The following DACH1 variants were observed in gnomAD, a reference collection of about 807,000 sequenced individuals.
DACH1 encodes the protein dachshund homolog 1.
A neutral mutation model predicts 54.2 loss-of-function variants in DACH1; 12 were observed. That is an observed-to-expected ratio of 0.22 (90% CI 0.14 to 0.36). The LOEUF (loss-of-function observed/expected upper bound fraction) is 0.36. Ranked by LOEUF, DACH1 falls within the 10% of genes least tolerant of loss-of-function variation. DACH1 has a pLI of 1.00. For synonymous variants in DACH1, 386 were observed against 366.2 expected (o/e 1.05, Z -0.62); for missense variants, 805 against 929.8 (o/e 0.87, Z 1.75).
intron 1 of DACH1, among the ~76,000 whole-genome samples, chr13:71,766,701 G>T (rs1885644135): frequency 6.6e-6 from 1 of 152,066 alleles, no homozygotes; most frequent in Non-Finnish European, 1.5e-5. Flanking sequence ...AATTCTTAAT[G>T]TAAGCACTGA....
chr13:71,699,137 T>C (rs1881983179), intron 1 of DACH1, among the ~76,000 whole-genome samples: 1 of 152,164 alleles, frequency 6.6e-6, no homozygotes, highest in Admixed American at 6.5e-5. Flanking sequence ...TGGCTATTTG[T>C]CTTTCACAAA....
At position 71,682,426 on chromosome 13, in the gene DACH1, A is replaced by T. The variant is rs537365112; in HGVS notation, c.849-516T>A. On this transcript the variant is annotated intron_variant, in intron 1 of 10. Coordinates refer to ENST00000613252, the MANE Select transcript of DACH1 (RefSeq NM_080759.6). ...AGCTGGGAGGTGGAATGAAAGAGTG[A>T]TTCAGACCTATAGCACATTTTTCGA... Among the ~76,000 whole-genome samples the T allele has an allele frequency of 2.0e-5, 3 of 152,322 alleles. No individual in the cohort carries two copies. The East Asian group carries it at 5.8e-4, about 29-fold the overall frequency.
At chr13:71,680,651 GAA>G (rs944123965) in intron 2 of DACH1, among the ~76,000 whole-genome samples, 1 of 151,942 alleles carries the variant, frequency 6.6e-6, no homozygotes, top group African/African-American at 2.4e-5. Context: ...AGGCCTTGCT[GAA>G]AAAAATATTA....
At chr13:71,694,321 C>A (rs1006167538) in intron 1 of DACH1, among the ~76,000 whole-genome samples, 1 of 150,286 alleles carries the variant, frequency 6.7e-6, no homozygotes, top group African/African-American at 2.5e-5. Context: ...AATTCAGAGA[C>A]CTCCTGACAA....
chr13:71,748,292 A>AGTAAC (rs145412016), intron 1 of DACH1, among the ~76,000 whole-genome samples: 2,084 of 152,314 alleles, frequency 0.014, 39 homozygotes, highest in East Asian at 0.048. Flanking sequence ...AGATAAATAA[A>AGTAAC]GTAACATGGA....
intron 3 of DACH1, among the ~76,000 whole-genome samples, chr13:71,630,240 A>G (rs562244313): frequency 3.3e-4 from 51 of 152,248 alleles, no homozygotes; most frequent in African/African-American, 1.2e-3. Flanking sequence ...TTTCTCTGTC[A>G]CCTTAGCTAC....
At chr13:71,533,411 T>G (rs1386535728) in intron 6 of DACH1, among the ~76,000 whole-genome samples, 1 of 151,948 alleles carries the variant, frequency 6.6e-6, no homozygotes, top group Non-Finnish European at 1.5e-5. Flanking sequence ...AGGACAAAAC[T>G]CCAAGCTTGG....
At chr13:71,467,240 TTA>T (rs1876664495) in intron 10 of DACH1, among the ~76,000 whole-genome samples, 1 of 150,656 alleles carries the variant, frequency 6.6e-6, no homozygotes, top group East Asian at 2.0e-4. Flanking sequence ...GTATTACTTT[TTA>T]AAATATATTT....
At chr13:71,655,750 C>T (rs1415288374) in intron 2 of DACH1, among the ~76,000 whole-genome samples, 1 of 152,136 alleles carries the variant, frequency 6.6e-6, no homozygotes, top group African/African-American at 2.4e-5. Flanking sequence ...CTTCAGTGTT[C>T]TAAATACTGC....
At chr13:71,829,908 T>C (rs1316866362) in intron 1 of DACH1, among the ~76,000 whole-genome samples, 2 of 151,898 alleles carry the variant, frequency 1.3e-5, no homozygotes, top group African/African-American at 4.8e-5. Context: ...GTAAAACAGA[T>C]GGTTGTGCAC....
At chr13:71,501,034 G>A (rs1879871420) in intron 6 of DACH1, among the ~76,000 whole-genome samples, 1 of 152,120 alleles carries the variant, frequency 6.6e-6, no homozygotes, top group Non-Finnish European at 1.5e-5. Flanking sequence ...CAATCAAAGA[G>A]TCTCTAAAAT....
At chr13:71,812,415 T>A (rs1456595067) in intron 1 of DACH1, among the ~76,000 whole-genome samples, 1 of 152,192 alleles carries the variant, frequency 6.6e-6, no homozygotes, top group Non-Finnish European at 1.5e-5. Context: ...TATATTCTTA[T>A]CTTGATGAAT....
At chr13:71,738,359 T>A (rs74501124) in intron 1 of DACH1, among the ~76,000 whole-genome samples, 1 of 152,116 alleles carries the variant, frequency 6.6e-6, no homozygotes, top group African/African-American at 2.4e-5. Flanking sequence ...GTGAAAAAGA[T>A]ACATTTACAA....
chr13:71,611,200 T>C (rs1875305913), intron 3 of DACH1, among the ~76,000 whole-genome samples: 1 of 152,138 alleles, frequency 6.6e-6, no homozygotes, highest in Non-Finnish European at 1.5e-5. Context: ...TTCATGAGAG[T>C]TTTGAAACTA....
intron 1 of DACH1, among the ~76,000 whole-genome samples, chr13:71,832,009 T>C (rs1888612686): frequency 6.6e-6 from 1 of 151,994 alleles, no homozygotes; most frequent in Non-Finnish European, 1.5e-5. Flanking sequence ...TTTCTTCAAC[T>C]GATGTCTTCC....
intron 1 of DACH1, among the ~76,000 whole-genome samples, chr13:71,846,655 T>A (rs1405260696): frequency 6.6e-6 from 1 of 152,134 alleles, no homozygotes; most frequent in Non-Finnish European, 1.5e-5. Flanking sequence ...AGATAGATAG[T>A]CTTTGGTTAA....
intron 2 of DACH1, among the ~76,000 whole-genome samples, chr13:71,665,301 T>C (rs1234271959): frequency 1.3e-5 from 2 of 152,020 alleles, no homozygotes; most frequent in Admixed American, 6.6e-5. Context: ...CATAATGGAA[T>C]ATTAATGAAT....
chr13:71,744,011 A>C (rs977913469), intron 1 of DACH1, among the ~76,000 whole-genome samples: 3 of 152,138 alleles, frequency 2.0e-5, no homozygotes, highest in Admixed American at 2.0e-4. Flanking sequence ...CCAAACCTCA[A>C]TACCACAGAG....
At chr13:71,672,685 C>T (rs1880274874) in intron 2 of DACH1, among the ~76,000 whole-genome samples, 1 of 152,008 alleles carries the variant, frequency 6.6e-6, no homozygotes, top group African/African-American at 2.4e-5. Context: ...TTGTATTTCT[C>T]GCATTTCTTG....
Sources: allele counts gnomAD v4.1 joint callset (sites outside exome capture counted in the v4.1 genomes callset), GRCh38; gene constraint gnomAD v4.1.1; transcripts MANE v1.5; gene names NCBI Gene and HGNC (gene_info 2026-07-23, HGNC 2026-07-21).